Variants in GRIK2 observed in about 807,000 individuals in gnomAD.
GRIK2 encodes glutamate receptor ionotropic, kainate 2.
GRIK2 carries 32 observed loss-of-function variants against 100.3 expected under a neutral mutation model. That is an observed-to-expected ratio of 0.32 (90% confidence interval 0.24 to 0.43). GRIK2 has a LOEUF of 0.43. Among genes scored for constraint, GRIK2 ranks in the 20% least tolerant of loss-of-function variants. GRIK2 has a pLI of 1.00. For missense variants in GRIK2, 843 were observed against 1,114.9 expected, an observed-to-expected ratio of 0.76 and a Z score of 3.47; for synonymous variants, 417 against 389.4, an observed-to-expected ratio of 1.07 and a Z score of -0.83.
chr6:101,910,709 A>G (rs1788616735), intron 12 of GRIK2, among the ~76,000 whole-genome samples: 1 of 151,312 alleles, frequency 6.6e-6, no homozygotes, highest in South Asian at 2.1e-4. Context: ...TAAATAATAG[A>G]TCTTACCATT....
chr6:101,562,952 G>C (rs1777089768), intron 2 of GRIK2, among the ~76,000 whole-genome samples: 1 of 152,180 alleles, frequency 6.6e-6, no homozygotes, highest in Non-Finnish European at 1.5e-5. Flanking sequence ...GAAAGGGGCA[G>C]TGAAGCTTTA....
chr6:101,940,421 T>C (rs1286573594), intron 14 of GRIK2, among the ~76,000 whole-genome samples: 2 of 152,156 alleles, frequency 1.3e-5, no homozygotes, highest in Admixed American at 1.3e-4. Context: ...AGTAAATCTA[T>C]TGCATTTTGA....
At chr6:101,655,490 T>C (rs1364019157) in intron 4 of GRIK2, among the ~76,000 whole-genome samples, 1 of 152,130 alleles carries the variant, frequency 6.6e-6, no homozygotes, top group Non-Finnish European at 1.5e-5. Context: ...CTGCCACTTA[T>C]TAAAGTAATT....
intron 7 of GRIK2, among the ~76,000 whole-genome samples, chr6:101,703,433 T>G (rs1446072361): frequency 6.6e-6 from 1 of 151,870 alleles, no homozygotes. Flanking sequence ...AACTGCTTAA[T>G]TTTGGTAAGC....
intron 2 of GRIK2, among the ~76,000 whole-genome samples, chr6:101,565,912 ATT>A (rs67278361): frequency 0.02 from 2,118 of 107,318 alleles, 68 homozygotes; most frequent in African/African-American, 0.07. Context: ...TTATATACCT[ATT>A]TTATATATAT....
At chr6:101,935,238 T>C (rs1790542131) in intron 14 of GRIK2, among the ~76,000 whole-genome samples, 1 of 151,948 alleles carries the variant, frequency 6.6e-6, no homozygotes, top group African/African-American at 2.4e-5. Context: ...GATGTGTAAA[T>C]AGCTACTCAC....
intron 10 of GRIK2, among the ~76,000 whole-genome samples, chr6:101,819,568 C>A (rs907705082): frequency 6.6e-5 from 10 of 152,086 alleles, no homozygotes; most frequent in Non-Finnish European, 1.5e-4. Context: ...GTCTAAGACA[C>A]CCTTTTACTT....
At chr6:102,000,703 A>T (rs970026649) in intron 14 of GRIK2, among the ~76,000 whole-genome samples, 2 of 152,084 alleles carry the variant, frequency 1.3e-5, no homozygotes, top group African/African-American at 2.4e-5. Flanking sequence ...TAGTATTTTT[A>T]AAAATATATC....
At chr6:101,570,935 C>G (rs550780153) in intron 2 of GRIK2, among the ~76,000 whole-genome samples, 49 of 152,198 alleles carry the variant, frequency 3.2e-4, no homozygotes, top group African/African-American at 1.1e-3. Context: ...CTACTGTGGT[C>G]TGTTGTGAAG....
Position 101,494,971 on chromosome 6 carries a change from T to TTATATATATATATATATA in GRIK2, c.115+95591_115+95608dup, listed in dbSNP as rs369006296. Among the ~76,000 whole-genome samples, 398 of 107,878 alleles carry TTATATATATATATATATA rather than the reference T, an allele frequency of 3.7e-3. 5 individuals are homozygous for TTATATATATATATATATA. The highest frequency in any genetic ancestry group is 6.4e-3 in the South Asian group (19 of 2,960). The allele number at this position is 107,878 out of a possible 152,430, so 70.8% of individuals were successfully genotyped here. On this transcript the variant is annotated intron_variant, in intron 2 of 16. Coordinates refer to ENST00000369134, the MANE Select transcript of GRIK2 (RefSeq NM_021956.5). ...TAAAAAGTAATACCTATATATGCAT[T>TTATATATATATATATATA]TATATATATATATATATATATATAT...
At chr6:101,396,791 C>A (rs761687408) in intron 1 of GRIK2, among the ~76,000 whole-genome samples, 18 of 152,154 alleles carry the variant, frequency 1.2e-4, no homozygotes, top group Non-Finnish European at 2.5e-4. Context: ...TTTAGAAGTT[C>A]AACTGGACAG....
At chr6:101,629,547 T>G (rs537120726) in intron 4 of GRIK2, among the ~76,000 whole-genome samples, 2 of 152,216 alleles carry the variant, frequency 1.3e-5, no homozygotes, top group East Asian at 3.9e-4. Flanking sequence ...ATAATTGCAC[T>G]TGTAACAGAC....
chr6:101,818,884 C>T (rs573263945), intron 10 of GRIK2, among the ~76,000 whole-genome samples: 11 of 152,102 alleles, frequency 7.2e-5, no homozygotes, highest in African/African-American at 2.6e-4. Context: ...GGGCATGGCA[C>T]TTATTTTTCA....
chr6:101,452,715 G>C (rs899253019), intron 2 of GRIK2, among the ~76,000 whole-genome samples: 44 of 151,798 alleles, frequency 2.9e-4, no homozygotes, highest in African/African-American at 1.0e-3. Flanking sequence ...AGCAAGTTAG[G>C]GGGATTCTAT....
chr6:101,718,638 G>A (rs749428533), intron 7 of GRIK2, among the ~76,000 whole-genome samples: 24 of 151,768 alleles, frequency 1.6e-4, no homozygotes, highest in African/African-American at 3.4e-4. Flanking sequence ...AAAAATCTTC[G>A]AGAGATCATG....
intron 12 of GRIK2, among the ~76,000 whole-genome samples, chr6:101,902,657 G>A (rs898952755): frequency 1.3e-5 from 2 of 151,700 alleles, no homozygotes; most frequent in African/African-American, 4.8e-5. Context: ...TAATTATTGA[G>A]TTTTCAATAC....
chr6:101,468,436 A>G (rs1582517562), intron 2 of GRIK2, among the ~76,000 whole-genome samples: 1 of 152,130 alleles, frequency 6.6e-6, no homozygotes, highest in Non-Finnish European at 1.5e-5. Flanking sequence ...GTCTTTTTAT[A>G]GTATGTTTTC....
chr6:101,600,364 G>T (rs476477), intron 2 of GRIK2, among the ~76,000 whole-genome samples: 45,249 of 151,568 alleles, frequency 0.3, 7,470 homozygotes, highest in African/African-American at 0.43. Context: ...TTTTCTTAGG[G>T]TTGCTTTAGC....
intron 2 of GRIK2, among the ~76,000 whole-genome samples, chr6:101,405,374 GA>G (rs11288077): frequency 0.071 from 10,263 of 145,486 alleles, 394 homozygotes; most frequent in East Asian, 0.12. Context: ...TTTCTCATTT[GA>G]AAAAAAAAAG....
Sources: allele counts gnomAD v4.1 joint callset (sites outside exome capture counted in the v4.1 genomes callset), GRCh38; gene constraint gnomAD v4.1.1; transcripts MANE v1.5; gene names NCBI Gene and HGNC (gene_info 2026-07-23, HGNC 2026-07-21).